The following FCHSD2 variants were observed in gnomAD, a reference collection of about 807,000 sequenced individuals.
The protein encoded by FCHSD2 is FCH and double SH3 domains 2.
Under a neutral mutation model 108.1 loss-of-function variants are expected in FCHSD2, and 38 were observed. The observed-to-expected ratio is 0.35, with a 90% CI of 0.27 to 0.46. The LOEUF (loss-of-function observed/expected upper bound fraction) is 0.46, where lower values mean the gene tolerates loss of function less well. Among genes scored for constraint, FCHSD2 ranks in the 20% least tolerant of loss-of-function variants. FCHSD2 has a pLI of 1.00. For missense variants in FCHSD2, 751 were observed against 897.8 expected (o/e 0.84, Z 2.09); for synonymous variants, 279 against 314.7 (o/e 0.89, Z 1.20).
intron 12 of FCHSD2, among the ~76,000 whole-genome samples, chr11:72,876,219 A>G (rs1022941965): frequency 1.7e-4 from 26 of 152,196 alleles, no homozygotes; most frequent in African/African-American, 5.8e-4. Context: ...AGTCCCAGCT[A>G]TTCGGGAGGC....
At chr11:73,078,636 TAA>T (rs138510554) in intron 3 of FCHSD2, among the ~76,000 whole-genome samples, 1 of 142,594 alleles carries the variant, frequency 7.0e-6, no homozygotes, top group Non-Finnish European at 1.5e-5. Context: ...ACTATTCTGA[TAA>T]AAAAAAAAAA....
chr11:72,959,984 T>A (rs1237688994), intron 8 of FCHSD2, among the ~76,000 whole-genome samples: 1 of 152,036 alleles, frequency 6.6e-6, no homozygotes, highest in Non-Finnish European at 1.5e-5. Context: ...GGAAGAAACC[T>A]ACACACTTCA....
chr11:72,983,990 A>T (rs1857264236), intron 8 of FCHSD2, 98 bp downstream of exon 8: 3 of 899,584 alleles, frequency 3.3e-6, no homozygotes, highest in Non-Finnish European at 5.3e-6. Context: ...TAGCCTGGCT[A>T]CTCTTTTATA....
In FCHSD2 at chr11:72,838,701, C is replaced by A; in HGVS notation, c.*90G>T. 1 of 1,057,086 alleles carries A rather than the reference C, an allele frequency of 9.5e-7. No individual in the cohort carries two copies. The allele number at this position is 1,057,086 out of a possible 1,614,324, so 65.5% of individuals were successfully genotyped here. A position where few individuals can be genotyped will look rare whatever the true frequency, so the allele number is the denominator to read the frequency against. Reference sequence around the variant, plus strand: ...CTTGTTTTTTGCTCTGTTCAAGAGTCATCATCATGCAAAGGTGCCTAAAAA... The same window carrying A: ...CTTGTTTTTTGCTCTGTTCAAGAGTAATCATCATGCAAAGGTGCCTAAAAA... On this transcript the variant is annotated 3_prime_UTR_variant, in exon 20 of 20. Coordinates refer to ENST00000409418, the MANE Select transcript of FCHSD2 (RefSeq NM_014824.3).
intron 9 of FCHSD2, among the ~76,000 whole-genome samples, chr11:72,914,252 T>C (rs558459271): frequency 6.6e-6 from 1 of 152,294 alleles, no homozygotes; most frequent in East Asian, 1.9e-4. Flanking sequence ...TGACCTAAAG[T>C]GATCTGCCCA....
intron 13 of FCHSD2, among the ~76,000 whole-genome samples, chr11:72,852,279 T>C (rs528680792): frequency 1.9e-4 from 29 of 152,242 alleles, no homozygotes; most frequent in African/African-American, 7.0e-4. Flanking sequence ...GGTGGGAGTA[T>C]AAATTAGTTC....
intron 2 of FCHSD2, among the ~76,000 whole-genome samples, chr11:73,084,322 T>C (rs1423597212): frequency 2.0e-5 from 3 of 152,226 alleles, no homozygotes; most frequent in Non-Finnish European, 4.4e-5. Flanking sequence ...CTACAAATTG[T>C]GGTATGATGA....
intron 8 of FCHSD2, among the ~76,000 whole-genome samples, chr11:72,924,438 C>T (rs1418237651): frequency 4.6e-5 from 6 of 130,114 alleles, no homozygotes; most frequent in South Asian, 2.9e-4. Context: ...CCACCACACC[C>T]GGCTTTTTTT....
chr11:72,900,137 C>T (rs1365179551), intron 10 of FCHSD2: 2 of 572,212 alleles, frequency 3.5e-6, no homozygotes, highest in Non-Finnish European at 6.1e-6. Flanking sequence ...ACAGCTGGTG[C>T]ATCAGGGCCT....
chr11:73,137,211 A>T (rs1340623224), intron 2 of FCHSD2, among the ~76,000 whole-genome samples: 5 of 152,156 alleles, frequency 3.3e-5, no homozygotes, highest in Non-Finnish European at 7.4e-5. Flanking sequence ...AAAAAAAGCA[A>T]ATCAGAAACC....
intron 9 of FCHSD2, among the ~76,000 whole-genome samples, chr11:72,913,132 G>A (rs1855796664): frequency 6.6e-6 from 1 of 152,140 alleles, no homozygotes; most frequent in African/African-American, 2.4e-5. Context: ...ACAGCAAGGG[G>A]GAACTCCATC....
chr11:72,846,986 ATTTAAATTTTTTTAAAAT>A (rs1861163093), intron 14 of FCHSD2, among the ~76,000 whole-genome samples: 1 of 152,156 alleles, frequency 6.6e-6, no homozygotes, highest in South Asian at 2.1e-4. Flanking sequence ...GAACTGCCAA[ATTTAAATTTTTTTAAAAT>A]TTATTTTTTA....
intron 9 of FCHSD2, among the ~76,000 whole-genome samples, chr11:72,909,834 G>A (rs1259608751): frequency 2.1e-5 from 3 of 141,140 alleles, no homozygotes; most frequent in South Asian, 2.3e-4. Flanking sequence ...ACCTCTGCCC[G>A]GCAGCCGCCC....
intron 3 of FCHSD2, among the ~76,000 whole-genome samples, chr11:73,047,621 C>T (rs754152957): frequency 5.3e-5 from 8 of 152,272 alleles, no homozygotes; most frequent in Non-Finnish European, 1.2e-4. Context: ...AAAAACTGTT[C>T]CATGATTTCT....
At chr11:73,029,784 T>C (rs906595413) in intron 3 of FCHSD2, among the ~76,000 whole-genome samples, 11 of 152,142 alleles carry the variant, frequency 7.2e-5, no homozygotes, top group Admixed American at 2.6e-4. Flanking sequence ...TGAAGGGCAA[T>C]TGCATATTTG....
chr11:73,107,030 A>G (rs1381941393), intron 2 of FCHSD2, among the ~76,000 whole-genome samples: 1 of 150,568 alleles, frequency 6.6e-6, no homozygotes, highest in Non-Finnish European at 1.5e-5. Flanking sequence ...TTTTTGTTAG[A>G]AAAGCTATAT....
chr11:72,920,093 T>C (rs892310673), intron 9 of FCHSD2, among the ~76,000 whole-genome samples: 3 of 151,586 alleles, frequency 2.0e-5, no homozygotes, highest in African/African-American at 7.3e-5. Flanking sequence ...GAAAGAACAA[T>C]AACATAAACT....
chr11:73,009,618 G>A (rs1442008509), intron 4 of FCHSD2, among the ~76,000 whole-genome samples: 5 of 152,010 alleles, frequency 3.3e-5, no homozygotes, highest in Non-Finnish European at 7.4e-5. Context: ...TTGCTTGTCT[G>A]GGAAAGAATT....
At chr11:72,865,910 T>C (rs1476073986) in intron 13 of FCHSD2, among the ~76,000 whole-genome samples, 1 of 152,154 alleles carries the variant, frequency 6.6e-6, no homozygotes, top group Non-Finnish European at 1.5e-5. Flanking sequence ...TCTATGAAGA[T>C]CTGTCTGGTC....
Sources: allele counts gnomAD v4.1 joint callset (sites outside exome capture counted in the v4.1 genomes callset), GRCh38; gene constraint gnomAD v4.1.1; transcripts MANE v1.5; gene names NCBI Gene and HGNC (gene_info 2026-07-23, HGNC 2026-07-21).